The following AGBL1 variants were observed in gnomAD, a reference collection of about 807,000 sequenced individuals.
The protein encoded by AGBL1 is cytosolic carboxypeptidase 4.
AGBL1 carries 130 observed loss-of-function variants against 118.9 expected under a neutral mutation model. The observed-to-expected ratio is 1.09, with a 90% CI of 0.95 to 1.26. The LOEUF (loss-of-function observed/expected upper bound fraction) is 1.26, where lower values mean the gene tolerates loss of function less well. AGBL1 is among the 50% of genes most tolerant of loss of function. The pLI, the probability that AGBL1 is intolerant of heterozygous loss-of-function variation, is 0.00. For synonymous variants in AGBL1, 555 were observed against 478.9 expected, an observed-to-expected ratio of 1.16 and a Z score of -2.08; for missense variants, 1,584 against 1,298.1, an observed-to-expected ratio of 1.22 and a Z score of -3.38.
chr15:86,249,215 A>T (rs918440431), intron 7 of AGBL1, among the ~76,000 whole-genome samples: 2 of 152,058 alleles, frequency 1.3e-5, no homozygotes, highest in Non-Finnish European at 2.9e-5. Context: ...TTGCACACAC[A>T]TTATGTTCCT....
At chr15:86,612,775 A>G (rs1244056426) in intron 21 of AGBL1, among the ~76,000 whole-genome samples, 1 of 152,162 alleles carries the variant, frequency 6.6e-6, no homozygotes, top group Non-Finnish European at 1.5e-5. Flanking sequence ...AAGTTTCAAT[A>G]AGAGAATTTT....
At chr15:86,233,380 CTTT>C (rs34651289) in intron 6 of AGBL1, among the ~76,000 whole-genome samples, 1 of 146,270 alleles carries the variant, frequency 6.8e-6, no homozygotes, top group African/African-American at 2.5e-5. Context: ...GTAGCAAAAC[CTTT>C]TTTTTTTTTT....
At chr15:86,425,046 A>G (rs2081848694) in intron 18 of AGBL1, among the ~76,000 whole-genome samples, 1 of 152,228 alleles carries the variant, frequency 6.6e-6, no homozygotes, top group Non-Finnish European at 1.5e-5. Flanking sequence ...CTGGGTATAT[A>G]CCCAAATGAT....
At chr15:86,660,864 T>A (rs895208729) in intron 21 of AGBL1, among the ~76,000 whole-genome samples, 3 of 152,110 alleles carry the variant, frequency 2.0e-5, no homozygotes, top group Non-Finnish European at 4.4e-5. Context: ...TCTCTCCTTC[T>A]CCAAAGTATT....
chr15:86,995,874 G>A (rs2081375413), intron 24 of AGBL1, among the ~76,000 whole-genome samples: 1 of 152,104 alleles, frequency 6.6e-6, no homozygotes. Flanking sequence ...TTTGCAGCAG[G>A]AGTGTATTTT....
At chr15:86,244,538 T>C (rs2078690731) in intron 6 of AGBL1, among the ~76,000 whole-genome samples, 1 of 151,684 alleles carries the variant, frequency 6.6e-6, no homozygotes, top group African/African-American at 2.4e-5. Context: ...GGGAAGGAGG[T>C]TTAGCTATTT....
intron 22 of AGBL1, among the ~76,000 whole-genome samples, chr15:86,874,608 G>T (rs984928853): frequency 2.0e-5 from 3 of 152,170 alleles, no homozygotes; most frequent in Admixed American, 2.0e-4. Flanking sequence ...AGCACCAGAT[G>T]ATCCAGAGTT....
intron 21 of AGBL1, among the ~76,000 whole-genome samples, chr15:86,658,363 G>T (rs1424196131): frequency 1.3e-5 from 2 of 152,026 alleles, no homozygotes; most frequent in Non-Finnish European, 2.9e-5. Flanking sequence ...ATATATTTTT[G>T]CAAAAATGAA....
At chr15:86,944,826 T>A (rs1244749210) in intron 23 of AGBL1, among the ~76,000 whole-genome samples, 1 of 152,148 alleles carries the variant, frequency 6.6e-6, no homozygotes, top group Non-Finnish European at 1.5e-5. Context: ...TAAGTAAGAA[T>A]CTTTAAGATA....
chr15:86,862,507 G>T (rs1421294208), intron 22 of AGBL1, among the ~76,000 whole-genome samples: 2 of 152,128 alleles, frequency 1.3e-5, no homozygotes, highest in Non-Finnish European at 2.9e-5. Context: ...ATCGCCTGAG[G>T]TCAGGAGTTC....
chr15:86,472,888 T>C (rs1433953341), intron 18 of AGBL1, among the ~76,000 whole-genome samples: 2 of 152,192 alleles, frequency 1.3e-5, no homozygotes, highest in South Asian at 2.1e-4. Context: ...CACTGCACTC[T>C]AGTCTGGATG....
intron 18 of AGBL1, among the ~76,000 whole-genome samples, chr15:86,501,074 T>C (rs1367031499): frequency 6.6e-6 from 1 of 151,712 alleles, no homozygotes; most frequent in African/African-American, 2.4e-5. Flanking sequence ...TGTTTGACAC[T>C]TTAAGGAACT....
chr15:86,394,280 C>T (rs536359200), intron 17 of AGBL1, among the ~76,000 whole-genome samples: 2 of 152,204 alleles, frequency 1.3e-5, no homozygotes, highest in East Asian at 1.9e-4. Flanking sequence ...TTTCAGAATT[C>T]GTTTTATAAA....
At chr15:86,739,971 C>T (rs2077654588) in intron 22 of AGBL1, among the ~76,000 whole-genome samples, 1 of 152,146 alleles carries the variant, frequency 6.6e-6, no homozygotes, top group Admixed American at 6.5e-5. Flanking sequence ...TCTTAAATAA[C>T]CCCTTTCACC....
chr15:86,200,547 C>T (rs1323364613), intron 5 of AGBL1, among the ~76,000 whole-genome samples: 2 of 113,986 alleles, frequency 1.8e-5, no homozygotes, highest in Non-Finnish European at 3.5e-5. Flanking sequence ...GTAATAGACC[C>T]CTACCCCCCC....
At chr15:86,989,633 A>G (rs190488602) in intron 24 of AGBL1, among the ~76,000 whole-genome samples, 147 of 152,360 alleles carry the variant, frequency 9.6e-4, no homozygotes, top group African/African-American at 3.3e-3. Flanking sequence ...CAATGATTAA[A>G]GGAAGAATGG....
intron 22 of AGBL1, among the ~76,000 whole-genome samples, chr15:86,882,269 C>T (rs1243355503): frequency 2.6e-5 from 4 of 152,168 alleles, no homozygotes; most frequent in Admixed American, 2.0e-4. Flanking sequence ...TATCCAAAAT[C>T]TCACGTCCCA....
At chr15:86,732,254 T>A (rs1189215103) in intron 22 of AGBL1, among the ~76,000 whole-genome samples, 2 of 152,246 alleles carry the variant, frequency 1.3e-5, no homozygotes, top group African/African-American at 4.8e-5. Context: ...CAAATGATAG[T>A]GCATGTGTAT....
chr15:86,719,576 G>A (rs2086686734), intron 22 of AGBL1, among the ~76,000 whole-genome samples: 1 of 152,038 alleles, frequency 6.6e-6, no homozygotes, highest in African/African-American at 2.4e-5. Context: ...ATCACTAGGG[G>A]TCATTCATTC....
Sources: gnomAD v4.1 joint callset for allele counts (sites outside exome capture counted in the v4.1 genomes callset) on GRCh38, gnomAD v4.1.1 for gene constraint, MANE v1.5 for transcripts, NCBI Gene and HGNC (gene_info 2026-07-23, HGNC 2026-07-21) for gene names.